Variants in STS observed in about 807,000 individuals in gnomAD.
The protein encoded by STS is steryl-sulfatase.
In STS, 7 loss-of-function variants were observed where a neutral mutation model predicts 26.8. The ratio of observed to expected loss-of-function variants is 0.26; its 90% CI spans 0.15 to 0.49. The LOEUF (loss-of-function observed/expected upper bound fraction) is 0.49, where lower values mean the gene tolerates loss of function less well. STS is among the 20% of genes least tolerant of loss of function. The pLI is 0.98. For synonymous variants in STS, 199 were observed against 189.4 expected, an observed-to-expected ratio of 1.05 and a Z score of -0.42; for missense variants, 434 against 465.6, an observed-to-expected ratio of 0.93 and a Z score of 0.63.
In STS at chrX:7,276,100, T is replaced by C. The variant is rs757977059; in HGVS notation, c.943+13T>C. 1 of 1,208,287 alleles carries C rather than the reference T, an allele frequency of 8.3e-7. No individual in the cohort carries two copies. Among genetic ancestry groups the C allele is most frequent in the South Asian group, 1.8e-5 (1 of 56,786 alleles). Reference sequence around the variant, plus strand: ...GACTGGAGTGTGGGTACGTTTCTCCTCAGTGAGTGCTTAGAAAGCTGCTAA... The same window carrying C: ...GACTGGAGTGTGGGTACGTTTCTCCCCAGTGAGTGCTTAGAAAGCTGCTAA... On this transcript the variant is annotated intron_variant, in intron 7 of 10. Transcript: ENST00000674429.
At position 7,172,622 on chromosome X, in the gene STS, C is replaced by T. The variant is rs1279443501; in HGVS notation, c.-133-18258C>T. ...AAACATACTGAATGTTGGCACATTA[C>T]ACAGTTGTACCAAAAAAAGAGCAAA... On this transcript the variant is annotated intron_variant, in intron 1 of 10. Transcript: ENST00000674429. 9.0e-5 allele frequency among the ~76,000 whole-genome samples: 10 copies of T among 111,653 alleles called. No individual in the cohort carries two copies. In the Admixed American group the frequency reaches 9.6e-4, roughly 11 times the overall value.
chrX:7,305,096 A>G lies in STS; in HGVS notation c.994A>G (p.Ile332Val), dbSNP rs1926149745. Reference sequence around the variant, plus strand: ...GCTGAGATTGGCTAATGATACCCTCATCTACTTCACATCGGACCAGGGAGC... The same window carrying G: ...GCTGAGATTGGCTAATGATACCCTCGTCTACTTCACATCGGACCAGGGAGC... Reference protein sequence around the residue: ...DELRLANDTLIYFTSDQGAHV... With the variant: ...DELRLANDTLVYFTSDQGAHV... The change falls in exon 8 of 11, where the codon ATC becomes GTC. Residue 332 changes from isoleucine (I) to valine (V), a missense_variant. By Grantham distance (29) the Ile-to-Val change is conservative (BLOSUM62 3). Coordinates refer to ENST00000674429, the MANE Select transcript of STS (RefSeq NM_001320752.2). The G allele has an allele frequency of 8.3e-7, 1 of 1,211,036 alleles. No homozygotes were observed.
chrX:7,302,163 G>T (rs929208979), intron 7 of STS, among the ~76,000 whole-genome samples: 2 of 111,546 alleles, frequency 1.8e-5, no homozygotes, highest in African/African-American at 6.5e-5. Context: ...ATGGTCATAT[G>T]CCCTTTACTA....
At chrX:7,226,149 C>G (rs1921794941) in intron 2 of STS, among the ~76,000 whole-genome samples, 1 of 112,221 alleles carries the variant, frequency 8.9e-6, no homozygotes, top group Non-Finnish European at 1.9e-5. Flanking sequence ...TTGCCCCTCT[C>G]TAATCAATAC....
Position 7,325,506 on chromosome X carries a change from G to C in STS, c.1241+8G>C, listed in dbSNP as rs779332256. ...TCCCTTGCCTGAGGACAGGTACTCTGATGCCAGGGTGGTTGGTATTGTTGA... is the reference window on the plus strand; with the variant it reads ...TCCCTTGCCTGAGGACAGGTACTCTCATGCCAGGGTGGTTGGTATTGTTGA... On this transcript the variant is annotated splice_region_variant and intron_variant, in intron 9 of 10. Transcript: ENST00000674429. 5.0e-6 allele frequency: 6 copies of C among 1,208,785 alleles called. No homozygotes were observed. The highest frequency in any genetic ancestry group is 3.5e-5 in the South Asian group (2 of 56,737).
chrX:7,312,500 C>T (rs1294470566), intron 8 of STS, among the ~76,000 whole-genome samples: 1 of 111,186 alleles, frequency 9.0e-6, no homozygotes, highest in Non-Finnish European at 1.9e-5. Flanking sequence ...GCTGTGTCCC[C>T]ATCAAAATCT....
chrX:7,240,883 A>C (rs1273183996), intron 2 of STS, among the ~76,000 whole-genome samples: 1 of 110,843 alleles, frequency 9.0e-6, no homozygotes, highest in South Asian at 3.9e-4. Flanking sequence ...GGGAGCAACC[A>C]GAATGCCTGC....
chrX:7,299,752 GA>G (rs1925876501), intron 7 of STS, among the ~76,000 whole-genome samples: 1 of 110,693 alleles, frequency 9.0e-6, no homozygotes, highest in Non-Finnish European at 1.9e-5. Flanking sequence ...GTTTTGGGTG[GA>G]ATTCCTCATT....
At chrX:7,168,830 A>G (rs924957107) in intron 1 of STS, among the ~76,000 whole-genome samples, 9 of 111,333 alleles carry the variant, frequency 8.1e-5, no homozygotes, top group Non-Finnish European at 1.1e-4. Flanking sequence ...TTGCTCACCA[A>G]CTGGGCAGTG....
chrX:7,341,046 C>T lies in STS; in HGVS notation c.1363+6939C>T, dbSNP rs139601300. Among the ~76,000 whole-genome samples, 513 of 110,927 alleles carry T rather than the reference C, an allele frequency of 4.6e-3. 1 individual carries two copies. The highest frequency in any genetic ancestry group is 6.6e-3 in the Non-Finnish European group (348 of 52,953). On this transcript the variant is annotated intron_variant, in intron 10 of 10. Coordinates refer to ENST00000674429, the MANE Select transcript of STS (RefSeq NM_001320752.2). ...ACACTCAATGACTGTGGGAGGCTGG[C>T]GGATCAGCTAGCTATCTCTCCTCCC...
chrX:7,198,193 G>T (rs1175836796), intron 2 of STS, among the ~76,000 whole-genome samples: 1 of 111,292 alleles, frequency 9.0e-6, no homozygotes, highest in Non-Finnish European at 1.9e-5. Flanking sequence ...CGCTCTCTGT[G>T]CATTTGGAGA....
At chrX:7,232,939 C>G (rs1226396851) in intron 2 of STS, among the ~76,000 whole-genome samples, 3 of 111,166 alleles carry the variant, frequency 2.7e-5, no homozygotes, top group Non-Finnish European at 3.8e-5. Context: ...CTGCACTTCT[C>G]TCTCCTGTCG....
chrX:7,197,370 C>T (rs777508522), intron 2 of STS, among the ~76,000 whole-genome samples: 2 of 111,474 alleles, frequency 1.8e-5, no homozygotes, highest in South Asian at 7.6e-4. Flanking sequence ...GACAGGGTTC[C>T]TGGATCTTGT....
At chrX:7,188,757 C>CA (rs1164978652) in intron 1 of STS, among the ~76,000 whole-genome samples, 1 of 111,007 alleles carries the variant, frequency 9.0e-6, no homozygotes, top group Non-Finnish European at 1.9e-5. Context: ...AAGGTGGGGA[C>CA]AAAAAAAGGA....
At chrX:7,308,556 A>G (rs778083405) in intron 8 of STS, among the ~76,000 whole-genome samples, 11 of 110,690 alleles carry the variant, frequency 9.9e-5, no homozygotes, top group Non-Finnish European at 1.1e-4. Context: ...ATGGTTGGGA[A>G]CCCCAGTTTT....
At chrX:7,259,167 G>A (rs1462595513) in intron 5 of STS, among the ~76,000 whole-genome samples, 182 bp from the exon 6 acceptor site, 1 of 111,555 alleles carries the variant, frequency 9.0e-6, no homozygotes, top group Non-Finnish European at 1.9e-5. Context: ...GGTAGAGTGA[G>A]TAGGTAATAC....
intron 7 of STS, among the ~76,000 whole-genome samples, chrX:7,297,806 C>A (rs1488242512): frequency 8.9e-6 from 1 of 111,849 alleles, no homozygotes; most frequent in Non-Finnish European, 1.9e-5. Context: ...GAAGTTTGAG[C>A]CCCTTGTCTC....
intron 6 of STS, among the ~76,000 whole-genome samples, chrX:7,267,119 A>T (rs1271410515): frequency 8.9e-6 from 1 of 112,148 alleles, no homozygotes; most frequent in Non-Finnish European, 1.9e-5. Flanking sequence ...AGTTGGGGGA[A>T]TCTTTTCCAT....
intron 1 of STS, among the ~76,000 whole-genome samples, chrX:7,157,709 T>G (rs189712147): frequency 1.3e-4 from 14 of 111,241 alleles, no homozygotes; most frequent in Admixed American, 1.2e-3. Context: ...GGGCCTGAGA[T>G]GTATGCTTCT....
Sources: allele counts gnomAD v4.1 joint callset (sites outside exome capture counted in the v4.1 genomes callset), GRCh38; gene constraint gnomAD v4.1.1; transcripts MANE v1.5; gene names NCBI Gene and HGNC (gene_info 2026-07-23, HGNC 2026-07-21).